TRAK1: variants seen among roughly 807,000 people sequenced by gnomAD.
TRAK1 encodes the protein trafficking kinesin protein 1.
Under a neutral mutation model 92.1 loss-of-function variants are expected in TRAK1, and 33 were observed. The ratio of observed to expected loss-of-function variants is 0.36; its 90% confidence interval spans 0.27 to 0.48. TRAK1 has a LOEUF of 0.48. Ranked by LOEUF, TRAK1 falls within the 20% of genes least tolerant of loss-of-function variation. The pLI is 0.99. For synonymous variants in TRAK1, 521 were observed against 517.3 expected (o/e 1.01, Z -0.10); for missense variants, 1,123 against 1,257.9 (o/e 0.89, Z 1.62).
At chr3:42,097,989 AC>A (rs1706188258) in intron 1 of TRAK1, among the ~76,000 whole-genome samples, 1 of 151,886 alleles carries the variant, frequency 6.6e-6, no homozygotes, top group African/African-American at 2.4e-5. Flanking sequence ...ATCTTGGAGG[AC>A]CTTTAAGTTT....
At chr3:42,154,292 C>T (rs1180365378) in intron 2 of TRAK1, among the ~76,000 whole-genome samples, 1 of 151,740 alleles carries the variant, frequency 6.6e-6, no homozygotes, top group East Asian at 1.9e-4. Flanking sequence ...CCTGCCTCAA[C>T]CTCCTGAGTA....
At chr3:42,020,568 T>C (rs1025315107) in intron 1 of TRAK1, among the ~76,000 whole-genome samples, 13 of 152,234 alleles carry the variant, frequency 8.5e-5, no homozygotes, top group Non-Finnish European at 1.6e-4. Flanking sequence ...ACATTTGTTT[T>C]TTTTCCAGTT....
chr3:42,212,086 A>G (rs1342123132), intron 14 of TRAK1: 38 of 985,322 alleles, frequency 3.9e-5, no homozygotes, highest in Non-Finnish European at 4.5e-5. Context: ...TTACAGGACC[A>G]TTTTGATTCT....
At chr3:42,085,269 G>A (rs906690288), upstream of TRAK1, among the ~76,000 whole-genome samples, 5 of 152,180 alleles carry the variant, frequency 3.3e-5, no homozygotes, top group African/African-American at 1.2e-4. Context: ...CCAGTTTCAA[G>A]TGATTCTCCT....
chr3:42,053,379 G>T (rs1196302335), intron 1 of TRAK1, among the ~76,000 whole-genome samples: 2 of 147,330 alleles, frequency 1.4e-5, no homozygotes, highest in Non-Finnish European at 3.0e-5. Context: ...GTCGGGTGGG[G>T]GGGGGGGGCG....
At chr3:42,082,413 A>G (rs1326129885), upstream of TRAK1, among the ~76,000 whole-genome samples, 1 of 149,200 alleles carries the variant, frequency 6.7e-6, no homozygotes, top group Non-Finnish European at 1.5e-5. Flanking sequence ...AGCCTGGCCA[A>G]CATGGTGAAA....
intron 14 of TRAK1, chr3:42,211,001 G>T (rs1245137018): frequency 1.0e-6 from 1 of 985,304 alleles, no homozygotes; most frequent in Non-Finnish European, 1.2e-6. Context: ...GTCTAGACTG[G>T]ACCTCCCAGC....
chr3:42,213,793 T>A (rs1709357420), intron 14 of TRAK1, among the ~76,000 whole-genome samples: 1 of 152,198 alleles, frequency 6.6e-6, no homozygotes, highest in South Asian at 2.1e-4. Flanking sequence ...GGCAAGTTCC[T>A]TCCCATTGTC....
intron 15 of TRAK1, chr3:42,221,907 C>T (rs1015827648): frequency 1.3e-5 from 2 of 152,124 alleles, no homozygotes; most frequent in African/African-American, 4.8e-5. Flanking sequence ...CCCCAATACC[C>T]CGCCGTGACG....
At chr3:42,056,406 G>T (rs931788482) in intron 1 of TRAK1, among the ~76,000 whole-genome samples, 6 of 152,028 alleles carry the variant, frequency 3.9e-5, no homozygotes, top group African/African-American at 1.5e-4. Context: ...ATCTCATTAT[G>T]GTTTTGATTT....
At chr3:42,030,377 A>G (rs1702083573) in intron 1 of TRAK1, among the ~76,000 whole-genome samples, 1 of 145,952 alleles carries the variant, frequency 6.9e-6, no homozygotes, top group South Asian at 2.1e-4. Flanking sequence ...AAAAAAATAT[A>G]TATATATATA....
chr3:42,220,587 A>G, intron 15 of TRAK1: 1 of 985,394 alleles, frequency 1.0e-6, no homozygotes, highest in Non-Finnish European at 1.2e-6. Context: ...CGGGCGAGGC[A>G]GGGGGTGAGC....
chr3:42,111,064 G>A (rs2133068), intron 1 of TRAK1, among the ~76,000 whole-genome samples: 68,375 of 151,938 alleles, frequency 0.45, 16,324 homozygotes, highest in South Asian at 0.61. Flanking sequence ...ACCTATCTAG[G>A]GAGGTGGCCC....
chr3:42,172,676 T>C (rs1367171184), intron 2 of TRAK1, among the ~76,000 whole-genome samples: 1 of 152,192 alleles, frequency 6.6e-6, no homozygotes, highest in Non-Finnish European at 1.5e-5. Context: ...CTGCCCTGTT[T>C]TCTGTGTGCC....
intron 2 of TRAK1, among the ~76,000 whole-genome samples, chr3:42,143,800 A>G (rs1698996809): frequency 6.6e-6 from 1 of 152,114 alleles, no homozygotes; most frequent in African/African-American, 2.4e-5. Context: ...TCTTGGTGTG[A>G]AGGAAAGTGG....
chr3:42,109,894 T>G (rs1011574660), intron 1 of TRAK1, among the ~76,000 whole-genome samples: 2 of 151,304 alleles, frequency 1.3e-5, no homozygotes, highest in Admixed American at 6.6e-5. Context: ...CAGGCGGGAA[T>G]TGAACTGTGA....
intron 2 of TRAK1, chr3:42,149,183 G>A (rs1320791109): frequency 1.9e-5 from 20 of 1,047,426 alleles, no homozygotes; most frequent in Non-Finnish European, 2.2e-5. Context: ...GGTGGTGTGT[G>A]TCTCTGACGT....
At chr3:42,129,959 A>G (rs1696977068) in intron 2 of TRAK1, among the ~76,000 whole-genome samples, 1 of 152,214 alleles carries the variant, frequency 6.6e-6, no homozygotes, top group South Asian at 2.1e-4. Flanking sequence ...AAAATCTGTC[A>G]GTAGCTTATT....
chr3:42,036,539 C>T (rs530363090), intron 1 of TRAK1, among the ~76,000 whole-genome samples: 3 of 152,272 alleles, frequency 2.0e-5, no homozygotes, highest in East Asian at 1.9e-4. Flanking sequence ...CTGCTCTTTC[C>T]CCACACATTT....
Sources: gnomAD v4.1 joint callset for allele counts (sites outside exome capture counted in the v4.1 genomes callset) on GRCh38, gnomAD v4.1.1 for gene constraint, MANE v1.5 for transcripts, NCBI Gene and HGNC (gene_info 2026-07-23, HGNC 2026-07-21) for gene names.